The following PDE4B variants were observed in gnomAD, a reference collection of about 807,000 sequenced individuals.
PDE4B encodes phosphodiesterase 4B, also known as 3',5'-cyclic-AMP phosphodiesterase 4B.
Under a neutral mutation model 82.2 loss-of-function variants are expected in PDE4B, and 20 were observed. That is an observed-to-expected ratio of 0.24 (90% confidence interval 0.17 to 0.35). The LOEUF is 0.35. PDE4B is among the 10% of genes least tolerant of loss of function. The pLI is 1.00. For missense variants in PDE4B, 655 were observed against 907.2 expected (o/e 0.72, Z 3.57); for synonymous variants, 320 against 318.9 (o/e 1.00, Z -0.04).
chr1:65,918,946 T>G, intron 3 of PDE4B, 111 bp downstream of exon 3: 1 of 689,906 alleles, frequency 1.4e-6, no homozygotes, highest in Non-Finnish European at 2.6e-6. Flanking sequence ...CTAAGATGAT[T>G]GACATTTTGA....
chr1:65,878,887 TTAAAG>T (rs1379404010), intron 1 of PDE4B, among the ~76,000 whole-genome samples: 1 of 152,136 alleles, frequency 6.6e-6, no homozygotes, highest in Non-Finnish European at 1.5e-5. Context: ...ATCCCCAAAG[TTAAAG>T]TAAAATAAAA....
Position 65,918,491 on chromosome 1 carries a change from A to G in PDE4B, c.43-106A>G, listed in dbSNP as rs149345173. ...AGATTCTGATTGTGAGATAATCAGG[A>G]CATCATAAGTGACAGCTTGATCATT... is the stretch of plus-strand genomic sequence containing the variant. On this transcript the variant is annotated intron_variant, in intron 2 of 16. Transcript: ENST00000341517. 5 of 673,132 alleles carry G rather than the reference A, an allele frequency of 7.4e-6. No homozygotes were observed. The East Asian group carries it at 1.3e-4, about 17-fold the overall frequency. The allele number at this position is 673,132 out of a possible 1,614,324, so 41.7% of individuals were successfully genotyped here.
At chr1:65,897,708 CCA>C (rs1646926922) in intron 1 of PDE4B, among the ~76,000 whole-genome samples, 1 of 151,712 alleles carries the variant, frequency 6.6e-6, no homozygotes, top group Non-Finnish European at 1.5e-5. Flanking sequence ...TGTACATATA[CCA>C]CATTTTCTTT....
intron 1 of PDE4B, among the ~76,000 whole-genome samples, chr1:65,900,665 T>C (rs1239337949): frequency 2.6e-5 from 4 of 152,108 alleles, no homozygotes; most frequent in Admixed American, 2.0e-4. Flanking sequence ...TCTAAAGATA[T>C]TTCACCTCCT....
At chr1:66,160,464 C>T (rs1210518987) in intron 3 of PDE4B, among the ~76,000 whole-genome samples, 1 of 152,150 alleles carries the variant, frequency 6.6e-6, no homozygotes, top group Non-Finnish European at 1.5e-5. Flanking sequence ...AGTTAAATCA[C>T]TTTTTACCAG....
intron 6 of PDE4B, among the ~76,000 whole-genome samples, chr1:66,264,966 G>A (rs1010154999): frequency 4.6e-5 from 7 of 152,120 alleles, no homozygotes; most frequent in African/African-American, 9.7e-5. Flanking sequence ...CAGATGAGTC[G>A]GCTGCGTATC....
At chr1:66,165,835 A>G (rs1256018154) in intron 3 of PDE4B, among the ~76,000 whole-genome samples, 3 of 152,176 alleles carry the variant, frequency 2.0e-5, no homozygotes, top group African/African-American at 7.2e-5. Context: ...TACAGATTCA[A>G]AATAATCCTT....
intron 3 of PDE4B, among the ~76,000 whole-genome samples, chr1:65,983,810 T>C (rs545802463): frequency 0.089 from 676 of 7,626 alleles, 11 homozygotes; most frequent in Middle Eastern, 0.5. Context: ...CCTAATAACG[T>C]AATATATACT....
intron 1 of PDE4B, among the ~76,000 whole-genome samples, chr1:65,812,724 A>T (rs1038801964): frequency 6.6e-5 from 10 of 152,178 alleles, no homozygotes; most frequent in African/African-American, 2.2e-4. Flanking sequence ...TGAGGGGACG[A>T]CTGTCTCAGC....
chr1:66,336,748 G>A (rs2101933044), intron 8 of PDE4B, among the ~76,000 whole-genome samples: 1 of 152,268 alleles, frequency 6.6e-6, no homozygotes, highest in African/African-American at 2.4e-5. Context: ...TTAAGGCATT[G>A]TGAAGTCGGC....
intron 7 of PDE4B, among the ~76,000 whole-genome samples, chr1:66,282,965 T>C (rs1656400235): frequency 6.6e-6 from 1 of 152,196 alleles, no homozygotes; most frequent in South Asian, 2.1e-4. Flanking sequence ...ATACTATTGT[T>C]TCATAACAAA....
intron 3 of PDE4B, among the ~76,000 whole-genome samples, chr1:66,059,529 C>G (rs755378581): frequency 6.6e-6 from 1 of 152,136 alleles, no homozygotes; most frequent in Non-Finnish European, 1.5e-5. Flanking sequence ...CTGGGGAGGC[C>G]TCACAATCAT....
At position 66,242,576 on chromosome 1, in the gene PDE4B, A is replaced by C. The variant is rs544437213; in HGVS notation, c.282-4884A>C. 2.4e-4 allele frequency among the ~76,000 whole-genome samples: 36 copies of C among 152,316 alleles called. No individual in the cohort carries two copies. In the South Asian group the frequency reaches 7.4e-3, roughly 32 times the overall value. ...GTTGCTTCATGAGTCTTTGTTACAG[A>C]AATTGGAGTTTGTGCAAGTAATTGG... On this transcript the variant is annotated intron_variant, in intron 3 of 16. Transcript: ENST00000341517.
At chr1:66,129,592 G>A (rs1257534355) in intron 3 of PDE4B, among the ~76,000 whole-genome samples, 3 of 148,460 alleles carry the variant, frequency 2.0e-5, no homozygotes, top group Non-Finnish European at 3.0e-5. Context: ...CCCGGGAGGC[G>A]GAGCTTGCAG....
At chr1:65,880,249 A>T (rs1646694279) in intron 1 of PDE4B, among the ~76,000 whole-genome samples, 1 of 152,234 alleles carries the variant, frequency 6.6e-6, no homozygotes, top group African/African-American at 2.4e-5. Context: ...GTAAGGACTC[A>T]GAATTTAGAC....
intron 3 of PDE4B, among the ~76,000 whole-genome samples, chr1:66,240,358 C>T (rs944300201): frequency 6.6e-6 from 1 of 152,162 alleles, no homozygotes; most frequent in African/African-American, 2.4e-5. Context: ...TCATCTGACT[C>T]AATTCTTTAA....
At chr1:66,136,620 C>T (rs775284596) in intron 3 of PDE4B, among the ~76,000 whole-genome samples, 5 of 145,800 alleles carry the variant, frequency 3.4e-5, no homozygotes, top group Non-Finnish European at 7.4e-5. Context: ...TGGGGTTGAA[C>T]CCAGGAGGCA....
At chr1:65,975,809 A>C (rs1007641355) in intron 3 of PDE4B, among the ~76,000 whole-genome samples, 6 of 152,196 alleles carry the variant, frequency 3.9e-5, no homozygotes, top group African/African-American at 1.4e-4. Context: ...TTGGGCTTGC[A>C]GGTGCACAGA....
intron 7 of PDE4B, among the ~76,000 whole-genome samples, chr1:66,268,532 G>A (rs1407959777): frequency 6.6e-6 from 1 of 151,824 alleles, no homozygotes; most frequent in African/African-American, 2.4e-5. Context: ...GCTGGGTGTG[G>A]TGGCACGTGC....
Sources: gnomAD v4.1 joint callset for allele counts (sites outside exome capture counted in the v4.1 genomes callset) on GRCh38, gnomAD v4.1.1 for gene constraint, MANE v1.5 for transcripts, NCBI Gene and HGNC (gene_info 2026-07-23, HGNC 2026-07-21) for gene names.